Variants in ZNF595 observed in about 807,000 individuals in gnomAD.
ZNF595 encodes zinc finger protein 595.
ZNF595 carries 9 observed loss-of-function variants against 19.4 expected under a neutral mutation model. That is an observed-to-expected ratio of 0.46 (90% CI 0.28 to 0.81). The LOEUF (loss-of-function observed/expected upper bound fraction) is 0.81. Ranked by LOEUF, ZNF595 falls within the 30% of genes least tolerant of loss-of-function variation. The pLI is 0.11. For synonymous variants in ZNF595, 255 were observed against 255.9 expected, an observed-to-expected ratio of 1.00 and a Z score of 0.03; for missense variants, 729 against 736.0, an observed-to-expected ratio of 0.99 and a Z score of 0.11.
chr4:69,326 C>T (rs187908760), intron 3 of ZNF595, among the ~76,000 whole-genome samples: 2 of 152,264 alleles, frequency 1.3e-5, no homozygotes, highest in African/African-American at 4.8e-5. Context: ...CTAAGCTGTG[C>T]TCCATAGTGG....
At chr4:66,310 G>C (rs1252206956) in intron 3 of ZNF595, among the ~76,000 whole-genome samples, 2 of 150,188 alleles carry the variant, frequency 1.3e-5, no homozygotes, top group African/African-American at 4.9e-5. Flanking sequence ...TTCATCTCTT[G>C]TCTATTAGTC....
At chr4:82,272 A>G (rs1185878896) in intron 3 of ZNF595, among the ~76,000 whole-genome samples, 4 of 151,996 alleles carry the variant, frequency 2.6e-5, no homozygotes, top group African/African-American at 7.2e-5. Flanking sequence ...TGTAGATTAC[A>G]TCGAACAGTC....
At chr4:75,660 A>G (rs555328327) in intron 3 of ZNF595, among the ~76,000 whole-genome samples, 112 of 152,192 alleles carry the variant, frequency 7.4e-4, no homozygotes, top group Admixed American at 1.4e-3. Context: ...CATTTTGTTC[A>G]TTGTTTTCTG....
At position 87,050 on chromosome 4, in the gene ZNF595, G is replaced by C; in HGVS notation, c.1546G>C (p.Ala516Pro). The C allele has an allele frequency of 6.2e-7, 1 of 1,613,796 alleles. No homozygotes were observed. The highest frequency in any genetic ancestry group is 8.5e-7 in the Non-Finnish European group (1 of 1,179,956). Reference protein sequence around the residue: ...KPYKCKECGKAFNQSSGLIIH... With the variant: ...KPYKCKECGKPFNQSSGLIIH... ...CTACAAATGTAAAGAATGTGGCAAA[G>C]CTTTTAACCAATCCTCAGGCCTTAT... is the stretch of plus-strand genomic sequence containing the variant. The change falls in exon 4 of 4, where the codon GCT becomes CCT. Residue 516 changes from alanine to proline, a missense_variant. Physicochemically the swap from Ala to Pro is conservative, Grantham distance 27. Transcript: ENST00000610261.
chr4:84,083 G>T (rs181419730), intron 3 of ZNF595, among the ~76,000 whole-genome samples: 1 of 152,048 alleles, frequency 6.6e-6, no homozygotes, highest in African/African-American at 2.4e-5. Flanking sequence ...TTTCAGTTGC[G>T]TTTGAAAATT....
chr4:77,166 G>A (rs369273804), intron 3 of ZNF595, among the ~76,000 whole-genome samples: 4 of 150,460 alleles, frequency 2.7e-5, no homozygotes, highest in African/African-American at 9.8e-5. Context: ...ACTGTCAAAT[G>A]ACTTAATTTT....
chr4:80,824 G>A (rs1713876673), intron 3 of ZNF595, among the ~76,000 whole-genome samples: 1 of 150,846 alleles, frequency 6.6e-6, no homozygotes, highest in Non-Finnish European at 1.5e-5. Context: ...TGGGCTCAGA[G>A]GCCTGACAAT....
At chr4:70,354 T>G (rs1203367294) in intron 3 of ZNF595, among the ~76,000 whole-genome samples, 3 of 151,600 alleles carry the variant, frequency 2.0e-5, no homozygotes, top group Non-Finnish European at 4.4e-5. Context: ...TTTTTTTTTT[T>G]GAAGACAGAG....
In ZNF595 at chr4:87,013, T is replaced by C. The variant is rs1393278489; in HGVS notation, c.1509T>C (p.Thr503=). 6.2e-7 allele frequency: 1 copy of C among 1,613,944 alleles called. No homozygotes were observed. The highest frequency in any genetic ancestry group is 1.3e-5 in the African/African-American group (1 of 74,910). The change falls in exon 4 of 4, where the codon ACT becomes ACC. Residue 503 remains threonine (T), a synonymous_variant. Coordinates refer to ENST00000610261, the MANE Select transcript of ZNF595 (RefSeq NM_182524.4). ...TGAATGAACATAAGAATATTCATAC[T>C]GGAGAGAAACCCTACAAATGTAAAG... ...ASLNEHKNIH[T]GEKPYKCKEC... is the part of the protein sequence containing the mutation.
At chr4:64,703 T>A (rs1713007012) in intron 3 of ZNF595, among the ~76,000 whole-genome samples, 1 of 152,294 alleles carries the variant, frequency 6.6e-6, no homozygotes, top group Non-Finnish European at 1.5e-5. Flanking sequence ...TTGAGTGATA[T>A]GGGGTCTGCC....
In ZNF595 at chr4:82,371, G is replaced by GTTTTTTTTTT. The variant is rs1560092266; in HGVS notation, c.227-3360_227-3359insTTTTTTTTTT. Among the ~76,000 whole-genome samples, 55 of 97,692 alleles carry GTTTTTTTTTT rather than the reference G, an allele frequency of 5.6e-4. 5 individuals are homozygous for GTTTTTTTTTT. Among genetic ancestry groups the GTTTTTTTTTT allele is most frequent in the African/African-American group, 1.9e-3 (51 of 27,384 alleles). The allele number at this position is 97,692 out of a possible 152,430, so 64.1% of individuals were successfully genotyped here. ...ACAAAAGTCCATTTTTTTGGTTTGTGGTTTTTTTTTTTTTTTTTTTTTTTT... is the reference window on the plus strand; with the variant it reads ...ACAAAAGTCCATTTTTTTGGTTTGTGTTTTTTTTTTGTTTTTTTTTTTTTTTTTTTTTTTT... On this transcript the variant is annotated intron_variant, in intron 3 of 3. Transcript: ENST00000610261.
At chr4:78,148 A>AC (rs1267099799) in intron 3 of ZNF595, among the ~76,000 whole-genome samples, 1 of 152,136 alleles carries the variant, frequency 6.6e-6, no homozygotes, top group Non-Finnish European at 1.5e-5. Flanking sequence ...AGCTGGGACT[A>AC]CAGGCGTCCG....
intron 3 of ZNF595, among the ~76,000 whole-genome samples, chr4:61,835 T>C (rs1581324109): frequency 0.065 from 7,580 of 116,230 alleles, no homozygotes; most frequent in East Asian, 0.39. Flanking sequence ...AGAATCTATT[T>C]TGAACATTAA....
Position 87,537 on chromosome 4 carries a change from T to G in ZNF595, c.*86T>G, listed in dbSNP as rs1437994913. The G allele has an allele frequency of 1.6e-5, 21 of 1,273,942 alleles. No individual in the cohort carries two copies. The highest frequency in any genetic ancestry group is 2.1e-5 in the Non-Finnish European group (20 of 969,286). 78.9% of individuals were successfully genotyped at this position (1,273,942 alleles called of 1,614,324 possible). A position where few individuals can be genotyped will look rare whatever the true frequency, so the allele number is the denominator to read the frequency against. On this transcript the variant is annotated 3_prime_UTR_variant, in exon 4 of 4. Coordinates refer to ENST00000610261, the MANE Select transcript of ZNF595 (RefSeq NM_182524.4). ...TTGCTCCCATATAAACTTGTATTAT[T>G]TTTCTTATTTTAAATTTTTTAAAAT...
At chr4:79,649 G>A (rs570028266) in intron 3 of ZNF595, among the ~76,000 whole-genome samples, 1 of 148,994 alleles carries the variant, frequency 6.7e-6, no homozygotes, top group South Asian at 2.1e-4. Flanking sequence ...TTTCGAATCA[G>A]GTAGTGCAGT....
intron 3 of ZNF595, among the ~76,000 whole-genome samples, chr4:71,490 T>G (rs1713430345): frequency 6.6e-6 from 1 of 152,064 alleles, no homozygotes; most frequent in Non-Finnish European, 1.5e-5. Context: ...TCCTCATACA[T>G]CCTATTGTCT....
At chr4:75,257 T>C (rs1553798521) in intron 3 of ZNF595, among the ~76,000 whole-genome samples, 1 of 152,258 alleles carries the variant, frequency 6.6e-6, no homozygotes, top group Non-Finnish European at 1.5e-5. Flanking sequence ...GTTGGTAATT[T>C]ATAAAGAATA....
chr4:74,105 C>T (rs534971528), intron 3 of ZNF595, among the ~76,000 whole-genome samples: 2 of 151,830 alleles, frequency 1.3e-5, no homozygotes, highest in South Asian at 2.1e-4. Context: ...CTCAGGGGTT[C>T]GACACCAGCC....
At chr4:61,320 G>A (rs1301513456) in intron 3 of ZNF595, among the ~76,000 whole-genome samples, 45 of 151,488 alleles carry the variant, frequency 3.0e-4, no homozygotes, top group Admixed American at 2.7e-3. Flanking sequence ...ACAGGTGCCC[G>A]CCACGGGGTT....
Sources: gnomAD v4.1 joint callset for allele counts (sites outside exome capture counted in the v4.1 genomes callset) on GRCh38, gnomAD v4.1.1 for gene constraint, MANE v1.5 for transcripts, NCBI Gene and HGNC (gene_info 2026-07-23, HGNC 2026-07-21) for gene names.